ITPRID1: variants seen among roughly 807,000 people sequenced by gnomAD.
ITPRID1 encodes protein ITPRID1.
In ITPRID1, 96 loss-of-function variants were observed where a neutral mutation model predicts 95.4. The observed-to-expected ratio is 1.01, with a 90% CI of 0.85 to 1.19. ITPRID1 has a LOEUF of 1.19. ITPRID1 is among the 50% of genes most tolerant of loss of function. The pLI is 0.00. For missense variants in ITPRID1, 1,339 were observed against 1,252.9 expected, an observed-to-expected ratio of 1.07 and a Z score of -1.04; for synonymous variants, 510 against 453.6, an observed-to-expected ratio of 1.12 and a Z score of -1.58.
intron 5 of ITPRID1, among the ~76,000 whole-genome samples, chr7:31,558,785 C>T (rs975727892): frequency 6.6e-6 from 1 of 152,148 alleles, no homozygotes; most frequent in African/African-American, 2.4e-5. Flanking sequence ...CCGCCAATGA[C>T]AGCACACTGG....
chr7:31,639,736 C>G (rs976596986), intron 10 of ITPRID1, among the ~76,000 whole-genome samples: 1 of 151,922 alleles, frequency 6.6e-6, no homozygotes, highest in Non-Finnish European at 1.5e-5. Context: ...CGGGGTTTCA[C>G]TGTGTTAGCC....
chr7:31,625,425 T>C lies in ITPRID1; in HGVS notation c.1229-16751T>C, dbSNP rs1207965264. On this transcript the variant is annotated intron_variant, in intron 10 of 14. Coordinates refer to ENST00000615280, the MANE Select transcript of ITPRID1 (RefSeq NM_001257967.3). ...AAGAAAATGTGGCACATATACACCATGGAATACTATGCAGCCATAAAAAAT... is the reference window on the plus strand; with the variant it reads ...AAGAAAATGTGGCACATATACACCACGGAATACTATGCAGCCATAAAAAAT... Among the ~76,000 whole-genome samples, 4 of 152,032 alleles carry C rather than the reference T, an allele frequency of 2.6e-5. No individual in the cohort carries two copies. The East Asian group carries it at 7.7e-4, about 29-fold the overall frequency.
rs137946995 is a variant in ITPRID1 at position 31,617,885 on chromosome 7, C to T, written c.1229-24291C>T. Reference sequence around the variant, plus strand: ...GAGAGTTACTTTTATTTACTTCTAACGCTACAAATCACTGCAGGAAAAGAA... The same window carrying T: ...GAGAGTTACTTTTATTTACTTCTAATGCTACAAATCACTGCAGGAAAAGAA... On this transcript the variant is annotated intron_variant, in intron 10 of 14. Transcript: ENST00000615280. 6.0e-3 allele frequency among the ~76,000 whole-genome samples: 908 copies of T among 152,238 alleles called. 9 individuals carry two copies. The highest frequency in any genetic ancestry group is 0.017 in the Middle Eastern group (5 of 294).
At chr7:31,633,993 A>C (rs1039893401) in intron 10 of ITPRID1, among the ~76,000 whole-genome samples, 6 of 152,158 alleles carry the variant, frequency 3.9e-5, no homozygotes, top group South Asian at 2.1e-4. Flanking sequence ...TTATTACCAG[A>C]CCAGCCCAGC....
intron 10 of ITPRID1, among the ~76,000 whole-genome samples, chr7:31,641,892 T>C (rs1790049183): frequency 6.6e-6 from 1 of 152,236 alleles, no homozygotes; most frequent in African/African-American, 2.4e-5. Flanking sequence ...TTAGTAAAGA[T>C]TCATCTCACA....
chr7:31,593,706 T>A (rs1785959903), intron 10 of ITPRID1, among the ~76,000 whole-genome samples: 1 of 152,220 alleles, frequency 6.6e-6, no homozygotes, highest in Non-Finnish European at 1.5e-5. Flanking sequence ...ATTTATTCCA[T>A]TTCTGTAACT....
At chr7:31,553,330 C>T (rs1784347726) in intron 3 of ITPRID1, 143 bp downstream of exon 3, 3 of 774,434 alleles carry the variant, frequency 3.9e-6, no homozygotes, top group Non-Finnish European at 2.0e-6. Context: ...ATGCCGGAAA[C>T]ATTTATGAAA....
chr7:31,571,737 G>A (rs2128143575), intron 6 of ITPRID1, among the ~76,000 whole-genome samples: 1 of 152,276 alleles, frequency 6.6e-6, no homozygotes, highest in African/African-American at 2.4e-5. Context: ...GTGACGGCTG[G>A]CTGTACTTCT....
At chr7:31,621,172 G>C (rs1787846265) in intron 10 of ITPRID1, among the ~76,000 whole-genome samples, 1 of 152,166 alleles carries the variant, frequency 6.6e-6, no homozygotes, top group Admixed American at 6.5e-5. Context: ...AACCAAACTG[G>C]AAAACAATCT....
chr7:31,559,386 C>T (rs753504760), intron 5 of ITPRID1, among the ~76,000 whole-genome samples: 1 of 152,168 alleles, frequency 6.6e-6, no homozygotes, highest in Non-Finnish European at 1.5e-5. Flanking sequence ...CATGGCCAGA[C>T]ACAGTTGCCC....
intron 10 of ITPRID1, among the ~76,000 whole-genome samples, chr7:31,607,877 T>G (rs958762948): frequency 1.2e-4 from 18 of 152,218 alleles, no homozygotes; most frequent in African/African-American, 4.1e-4. Context: ...GCACTTTAAT[T>G]AAATTTATTT....
intron 10 of ITPRID1, among the ~76,000 whole-genome samples, chr7:31,607,654 G>T (rs1422544860): frequency 2.0e-5 from 3 of 151,508 alleles, no homozygotes; most frequent in Non-Finnish European, 4.4e-5. Context: ...CATTAGGTTG[G>T]GTTCTCAGGG....
chr7:31,583,413 G>C (rs540007142), intron 10 of ITPRID1, among the ~76,000 whole-genome samples: 1 of 152,196 alleles, frequency 6.6e-6, no homozygotes, highest in South Asian at 2.1e-4. Context: ...ATCGCCTGAG[G>C]TCAGGAGTTC....
chr7:31,607,830 G>A (rs1394855298), intron 10 of ITPRID1, among the ~76,000 whole-genome samples: 1 of 150,502 alleles, frequency 6.6e-6, no homozygotes, highest in Non-Finnish European at 1.5e-5. Context: ...TTATTTTTTA[G>A]CCTAATTTTT....
At chr7:31,591,054 C>T (rs114374840) in intron 10 of ITPRID1, among the ~76,000 whole-genome samples, 41 of 152,256 alleles carry the variant, frequency 2.7e-4, no homozygotes, top group African/African-American at 9.6e-4. Context: ...CTGGGAGATG[C>T]ATGGCTCATG....
At chr7:31,526,702 G>A (rs901041275) in intron 1 of ITPRID1, among the ~76,000 whole-genome samples, 7 of 151,782 alleles carry the variant, frequency 4.6e-5, no homozygotes, top group African/African-American at 7.3e-5. Flanking sequence ...TGACCATTGC[G>A]TCCCCCGACA....
In ITPRID1 at chr7:31,529,928, C is replaced by T. The variant is rs115137908; in HGVS notation, c.-98+15808C>T. On this transcript the variant is annotated intron_variant, in intron 1 of 14. Transcript: ENST00000615280. ...TCTCTCAGTTGGAATGAAAGGGCAG[C>T]GATGGCGTGTTCTGAAACTTCTTTA... The T allele has an allele frequency of 1.7e-3, 1,460 of 871,840 alleles. 9 individuals are homozygous for T. The African/African-American group carries it at 0.019, about 11-fold the overall frequency. The allele number at this position is 871,840 out of a possible 1,614,324, so 54.0% of individuals were successfully genotyped here.
At chr7:31,543,213 AG>A (rs1438275682) in intron 1 of ITPRID1, among the ~76,000 whole-genome samples, 1 of 152,114 alleles carries the variant, frequency 6.6e-6, no homozygotes, top group Non-Finnish European at 1.5e-5. Flanking sequence ...CTTTAATTCC[AG>A]GGGTTCCATA....
chr7:31,614,883 A>G (rs368249499), intron 10 of ITPRID1, among the ~76,000 whole-genome samples: 3 of 152,148 alleles, frequency 2.0e-5, no homozygotes, highest in East Asian at 1.9e-4. Context: ...ATTTTTTATC[A>G]CAAGGAACCC....
Sources: gnomAD v4.1 joint callset for allele counts (sites outside exome capture counted in the v4.1 genomes callset) on GRCh38, gnomAD v4.1.1 for gene constraint, MANE v1.5 for transcripts, NCBI Gene and HGNC (gene_info 2026-07-23, HGNC 2026-07-21) for gene names.